Variants in SLC25A21 observed in about 807,000 individuals in gnomAD.
The protein encoded by SLC25A21 is solute carrier family 25 member 21, also known as mitochondrial 2-oxodicarboxylate carrier.
In SLC25A21, 47 loss-of-function variants were observed where a neutral mutation model predicts 43.8. The observed-to-expected ratio is 1.07, with a 90% CI of 0.85 to 1.37. The LOEUF is 1.37. Ranked by LOEUF, SLC25A21 falls within the 40% of genes most tolerant of loss-of-function variation. SLC25A21 has a pLI of 0.00. For missense variants in SLC25A21, 352 were observed against 350.2 expected (o/e 1.00, Z -0.04); for synonymous variants, 131 against 121.3 (o/e 1.08, Z -0.52).
intron 1 of SLC25A21, among the ~76,000 whole-genome samples, chr14:37,144,772 A>G (rs1963630488): frequency 8.5e-6 from 1 of 117,218 alleles, no homozygotes; most frequent in South Asian, 3.6e-4. Flanking sequence ...CTCATATGTG[A>G]AGTTGTTTTG....
chr14:37,086,015 G>A (rs979948574), intron 1 of SLC25A21, among the ~76,000 whole-genome samples: 1 of 152,114 alleles, frequency 6.6e-6, no homozygotes, highest in African/African-American at 2.4e-5. Context: ...TGAGGCAGGA[G>A]AATGGCGCGA....
In SLC25A21 at chr14:36,775,044, A is replaced by G. The variant is rs147387157; in HGVS notation, c.203+38874T>C. 7.5e-3 allele frequency among the ~76,000 whole-genome samples: 1,150 copies of G among 152,352 alleles called. 5 individuals carry two copies. The highest frequency in any genetic ancestry group is 0.012 in the Non-Finnish European group (796 of 68,040). On this transcript the variant is annotated intron_variant, in intron 3 of 9. Coordinates refer to ENST00000331299, the MANE Select transcript of SLC25A21 (RefSeq NM_030631.4). ...TCACTTTTATAGCATAATAAAATTAATAAGTATAATAACAGTAATTACACA... is the reference window on the plus strand; with the variant it reads ...TCACTTTTATAGCATAATAAAATTAGTAAGTATAATAACAGTAATTACACA...
At chr14:36,884,111 C>T (rs1890845260) in intron 1 of SLC25A21, among the ~76,000 whole-genome samples, 1 of 152,234 alleles carries the variant, frequency 6.6e-6, no homozygotes, top group Non-Finnish European at 1.5e-5. Context: ...AACTTTGTAC[C>T]CTTTAATCAA....
Position 36,679,508 on chromosome 14 carries a change from A to G in SLC25A21, c.*1150T>C. 1 of 985,422 alleles carries G rather than the reference A, an allele frequency of 1.0e-6. No homozygotes were observed. Among genetic ancestry groups the G allele is most frequent in the Non-Finnish European group, 1.2e-6 (1 of 829,916 alleles). The allele number at this position is 985,422 out of a possible 1,614,324, so 61.0% of individuals were successfully genotyped here. A position where few individuals can be genotyped will look rare whatever the true frequency, so the allele number is the denominator to read the frequency against. On this transcript the variant is annotated 3_prime_UTR_variant, in exon 10 of 10. Transcript: ENST00000331299. ...TTTACTGAATCAGCATCATCTCTGG[A>G]TGCAGATATAAAATCAAGTTTGGTT...
At chr14:36,832,899 T>C (rs551155755) in intron 2 of SLC25A21, among the ~76,000 whole-genome samples, 4 of 152,326 alleles carry the variant, frequency 2.6e-5, no homozygotes, top group East Asian at 3.9e-4. Context: ...GAATATTGTA[T>C]CAGATTCTAT....
intron 1 of SLC25A21, among the ~76,000 whole-genome samples, chr14:36,882,700 T>C (rs74478873): frequency 9.8e-4 from 149 of 152,050 alleles, no homozygotes; most frequent in African/African-American, 3.5e-3. Flanking sequence ...AATTCACCAA[T>C]TTACATTTCC....
intron 3 of SLC25A21, among the ~76,000 whole-genome samples, chr14:36,773,880 C>T (rs778753643): frequency 3.3e-5 from 5 of 152,202 alleles, no homozygotes; most frequent in Non-Finnish European, 7.3e-5. Flanking sequence ...TAGGGAAAAA[C>T]GGAATTGCAA....
At chr14:37,059,451 T>C (rs184999257) in intron 1 of SLC25A21, among the ~76,000 whole-genome samples, 1 of 152,350 alleles carries the variant, frequency 6.6e-6, no homozygotes, top group Non-Finnish European at 1.5e-5. Context: ...TACTGTCATA[T>C]ACTGTCACAC....
At chr14:37,029,444 A>G (rs1432714387) in intron 1 of SLC25A21, among the ~76,000 whole-genome samples, 1 of 152,144 alleles carries the variant, frequency 6.6e-6, no homozygotes, top group African/African-American at 2.4e-5. Context: ...AATGTAATTA[A>G]CTCAATTTTA....
chr14:36,965,784 G>A (rs1244210680), intron 1 of SLC25A21, among the ~76,000 whole-genome samples: 1 of 152,220 alleles, frequency 6.6e-6, no homozygotes, highest in South Asian at 2.1e-4. Context: ...CAGTCCATAA[G>A]AGAGCCCTAA....
intron 3 of SLC25A21, among the ~76,000 whole-genome samples, chr14:36,792,182 C>G (rs1887508952): frequency 6.6e-6 from 1 of 152,026 alleles, no homozygotes; most frequent in Non-Finnish European, 1.5e-5. Flanking sequence ...TAAAATTATG[C>G]CAGTGGCTCA....
chr14:37,095,160 T>C (rs1010796114), intron 1 of SLC25A21, among the ~76,000 whole-genome samples: 1 of 152,218 alleles, frequency 6.6e-6, no homozygotes, highest in Non-Finnish European at 1.5e-5. Flanking sequence ...TGATCACTGC[T>C]ATATCACCAT....
intron 2 of SLC25A21, among the ~76,000 whole-genome samples, chr14:36,852,994 T>C (rs1329966256): frequency 1.3e-5 from 2 of 150,360 alleles, no homozygotes; most frequent in African/African-American, 2.5e-5. Context: ...TGGTAATAAG[T>C]TGTGACATTA....
At chr14:36,898,185 G>A (rs1891297609) in intron 1 of SLC25A21, among the ~76,000 whole-genome samples, 2 of 152,226 alleles carry the variant, frequency 1.3e-5, no homozygotes, top group Admixed American at 1.3e-4. Context: ...GCTACACCCA[G>A]TTCGAGCTTC....
intron 6 of SLC25A21, among the ~76,000 whole-genome samples, chr14:36,714,249 G>T (rs1566529040): frequency 6.6e-6 from 1 of 152,238 alleles, no homozygotes; most frequent in Non-Finnish European, 1.5e-5. Flanking sequence ...CTGATTTGAG[G>T]GAGAGAAAGC....
At chr14:36,691,279 T>G (rs1348059319) in intron 7 of SLC25A21, among the ~76,000 whole-genome samples, 1 of 152,126 alleles carries the variant, frequency 6.6e-6, no homozygotes, top group Non-Finnish European at 1.5e-5. Flanking sequence ...AAGACTTAAG[T>G]GACAGAAAAT....
At chr14:37,130,380 A>G (rs764368832) in intron 1 of SLC25A21, among the ~76,000 whole-genome samples, 1 of 152,244 alleles carries the variant, frequency 6.6e-6, no homozygotes, top group South Asian at 2.1e-4. Context: ...AAGTCTTGCT[A>G]TTAAAGCAAC....
intron 1 of SLC25A21, among the ~76,000 whole-genome samples, chr14:37,091,151 T>C (rs1446617812): frequency 1.3e-5 from 2 of 152,026 alleles, no homozygotes; most frequent in Non-Finnish European, 2.9e-5. Context: ...CAATAGACAA[T>C]GGGCCGGGTG....
intron 1 of SLC25A21, among the ~76,000 whole-genome samples, chr14:36,958,178 C>T (rs1341844703): frequency 6.6e-6 from 1 of 151,856 alleles, no homozygotes; most frequent in African/African-American, 2.4e-5. Context: ...GCCAACAAGC[C>T]TGCCACTGCC....
Sources: allele counts gnomAD v4.1 joint callset (sites outside exome capture counted in the v4.1 genomes callset), GRCh38; gene constraint gnomAD v4.1.1; transcripts MANE v1.5; gene names NCBI Gene and HGNC (gene_info 2026-07-23, HGNC 2026-07-21).